ZCCHC2: variants seen among roughly 807,000 people sequenced by gnomAD.
The protein encoded by ZCCHC2 is zinc finger CCHC domain-containing protein 2.
Under a neutral mutation model 103.6 loss-of-function variants are expected in ZCCHC2, and 39 were observed. The observed-to-expected ratio is 0.38, with a 90% confidence interval of 0.29 to 0.49. The LOEUF (loss-of-function observed/expected upper bound fraction) is 0.49. Among genes scored for constraint, ZCCHC2 ranks in the 20% least tolerant of loss-of-function variants. ZCCHC2 has a pLI of 0.96. For missense variants in ZCCHC2, 1,483 were observed against 1,491.0 expected (o/e 0.99, Z 0.09); for synonymous variants, 687 against 608.9 (o/e 1.13, Z -1.89).
chr18:62,549,911 C>T (rs1915591286), intron 4 of ZCCHC2, among the ~76,000 whole-genome samples: 1 of 152,180 alleles, frequency 6.6e-6, no homozygotes, highest in Non-Finnish European at 1.5e-5. Context: ...ACAGGAGGCA[C>T]AAAAGTGCTA....
rs371500533 is a variant in ZCCHC2, at chr18:62,532,848, C to A, written c.940-6833C>A. Among the ~76,000 whole-genome samples the A allele has an allele frequency of 2.2e-3, 336 of 152,052 alleles. 14 individuals are homozygous for A. In the South Asian group the frequency reaches 0.067, roughly 30 times the overall value. ...CCCAGGAGTTCAAGACCAGCCTGGGCAACATGGCAAAAACCAGTCTCTACA... is the reference window on the plus strand; with the variant it reads ...CCCAGGAGTTCAAGACCAGCCTGGGAAACATGGCAAAAACCAGTCTCTACA... On this transcript the variant is annotated intron_variant, in intron 1 of 13. Transcript: ENST00000269499.
chr18:62,558,752 G>C lies in ZCCHC2; in HGVS notation c.1474G>C (p.Ala492Pro), dbSNP rs748445451. ...LEHLKEDSSE[A>P]SSQEEDVLQH... Reference sequence around the variant, plus strand: ...ACACTTAAAAGAAGACAGCTCTGAAGCTTCAAGTCAAGAAGAAGGTAAAGG... The same window carrying C: ...ACACTTAAAAGAAGACAGCTCTGAACCTTCAAGTCAAGAAGAAGGTAAAGG... Residue 492 changes from alanine (A) to proline (P), a missense_variant, in exon 7 of 14, where the codon GCT becomes CCT. Transcript: ENST00000269499. The C allele has an allele frequency of 6.5e-7, 1 of 1,545,384 alleles. No homozygotes were observed. Among genetic ancestry groups the C allele is most frequent in the Non-Finnish European group, 8.7e-7 (1 of 1,144,460 alleles).
chr18:62,576,029 TAA>T (rs4048462), intron 13 of ZCCHC2, among the ~76,000 whole-genome samples: 1 of 147,988 alleles, frequency 6.8e-6, no homozygotes, highest in Non-Finnish European at 1.5e-5. Context: ...CAGCAAATGT[TAA>T]AAAAAAAAAG....
intron 1 of ZCCHC2, among the ~76,000 whole-genome samples, chr18:62,529,608 A>G (rs1914595639): frequency 1.3e-5 from 2 of 152,356 alleles, no homozygotes; most frequent in Admixed American, 1.3e-4. Context: ...AATATATCAA[A>G]TAGTGATTAT....
At chr18:62,546,118 TTTTACTCATTTCCA>T (rs1915394921) in intron 4 of ZCCHC2, among the ~76,000 whole-genome samples, 1 of 152,126 alleles carries the variant, frequency 6.6e-6, no homozygotes, top group Non-Finnish European at 1.5e-5. Context: ...AGGGGATGAG[TTTTACTCATTTCCA>T]GATGCTAGAG....
In ZCCHC2 at chr18:62,574,676, G is replaced by T; in HGVS notation, c.2595G>T (p.Thr865=). The T allele has an allele frequency of 6.2e-7, 1 of 1,613,814 alleles. No individual in the cohort carries two copies. The highest frequency in any genetic ancestry group is 1.3e-5 in the African/African-American group (1 of 74,968). ...GSFPGSPVAT[T]DPITKSASQV... is the part of the protein sequence containing the mutation. Reference sequence around the variant, plus strand: ...TCCCAGGCTCTCCTGTTGCTACCACGGACCCCATCACAAAATCTGCATCCC... The same window carrying T: ...TCCCAGGCTCTCCTGTTGCTACCACTGACCCCATCACAAAATCTGCATCCC... The change falls in exon 13 of 14, where the codon ACG becomes ACT. Residue 865 remains threonine (T), a synonymous_variant. Transcript: ENST00000269499.
intron 1 of ZCCHC2, among the ~76,000 whole-genome samples, chr18:62,530,178 A>G (rs1205662111): frequency 6.6e-6 from 1 of 152,008 alleles, no homozygotes; most frequent in Admixed American, 6.6e-5. Flanking sequence ...TTGTGTGGAG[A>G]AGGGGTCAGG....
At chr18:62,563,270 T>A in intron 9 of ZCCHC2, 126 bp downstream of exon 9, 2 of 1,153,326 alleles carry the variant, frequency 1.7e-6, no homozygotes, top group Non-Finnish European at 1.2e-6. Flanking sequence ...TGTTTAAGTT[T>A]TAGACTTTAT....
intron 1 of ZCCHC2, among the ~76,000 whole-genome samples, chr18:62,533,187 C>G (rs574789134): frequency 6.6e-6 from 1 of 152,300 alleles, no homozygotes; most frequent in South Asian, 2.1e-4. Context: ...ATCATCATTG[C>G]TCAGTCATAA....
chr18:62,529,478 C>G (rs1568536669), intron 1 of ZCCHC2, among the ~76,000 whole-genome samples: 1 of 152,132 alleles, frequency 6.6e-6, no homozygotes, highest in Admixed American at 6.5e-5. Flanking sequence ...CAGCATCTTA[C>G]ATACTGAGAA....
intron 8 of ZCCHC2, 112 bp from the exon 9 acceptor site, chr18:62,562,897 C>A: frequency 8.1e-7 from 1 of 1,238,632 alleles, no homozygotes; most frequent in Non-Finnish European, 1.1e-6. Context: ...ATTAGGCATT[C>A]CTTGAAGAAA....
chr18:62,554,341 C>T (rs1265427548), intron 5 of ZCCHC2, among the ~76,000 whole-genome samples: 1 of 152,220 alleles, frequency 6.6e-6, no homozygotes, highest in Non-Finnish European at 1.5e-5. Flanking sequence ...TGCATTTAGT[C>T]TCAAATATGC....
intron 1 of ZCCHC2, among the ~76,000 whole-genome samples, chr18:62,527,424 G>A (rs1914480815): frequency 6.6e-6 from 1 of 152,104 alleles, no homozygotes; most frequent in Admixed American, 6.5e-5. Context: ...ACAGGTTGCC[G>A]GTAGAATATA....
At chr18:62,567,670 G>C (rs903380633) in intron 11 of ZCCHC2, among the ~76,000 whole-genome samples, 2 of 152,150 alleles carry the variant, frequency 1.3e-5, no homozygotes, top group African/African-American at 4.8e-5. Flanking sequence ...ATGGCCAGGC[G>C]CGGTGGCTCA....
downstream of ZCCHC2, among the ~76,000 whole-genome samples, chr18:62,579,518 G>A (rs1193499726): frequency 6.6e-6 from 1 of 152,194 alleles, no homozygotes; most frequent in Non-Finnish European, 1.5e-5. Flanking sequence ...GGTTGGGTGG[G>A]CAGTGAGTTT....
At chr18:62,573,801 A>G (rs1180720733) in intron 12 of ZCCHC2, among the ~76,000 whole-genome samples, 1 of 152,190 alleles carries the variant, frequency 6.6e-6, no homozygotes, top group Admixed American at 6.5e-5. Context: ...GTTTTATACT[A>G]TGTTTCATTC....
At chr18:62,538,834 A>G (rs1915044963) in intron 1 of ZCCHC2, among the ~76,000 whole-genome samples, 1 of 152,154 alleles carries the variant, frequency 6.6e-6, no homozygotes, top group Non-Finnish European at 1.5e-5. Flanking sequence ...TTTTTTACAG[A>G]AAAAAATATT....
chr18:62,574,993 G>T lies in ZCCHC2; in HGVS notation c.2912G>T (p.Ser971Ile). 1 of 1,613,928 alleles carries T rather than the reference G, an allele frequency of 6.2e-7. No individual in the cohort carries two copies. Among genetic ancestry groups the T allele is most frequent in the Middle Eastern group, 1.6e-4 (1 of 6,062 alleles). The stretch of plus-strand genomic sequence containing the variant: ...ACCCACACCCCAGGCCCTGCCCCGA[G>T]CCCAAGCCCTGCCTTGACACACAGT... ...VPTHTPGPAP[S>I]PSPALTHSTA... Residue 971 changes from serine (S) to isoleucine (I), a missense_variant, in exon 13 of 14, where the codon AGC becomes ATC. Transcript: ENST00000269499.
intron 1 of ZCCHC2, among the ~76,000 whole-genome samples, chr18:62,531,891 G>A (rs1183707594): frequency 7.9e-5 from 12 of 152,330 alleles, no homozygotes; most frequent in Admixed American, 2.0e-4. Flanking sequence ...GGCTGAGGTG[G>A]GAGGATCACT....
Sources: gnomAD v4.1 joint callset for allele counts (sites outside exome capture counted in the v4.1 genomes callset) on GRCh38, gnomAD v4.1.1 for gene constraint, MANE v1.5 for transcripts, NCBI Gene and HGNC (gene_info 2026-07-23, HGNC 2026-07-21) for gene names.